The following ADGRL3 variants were observed in gnomAD, a reference collection of about 807,000 sequenced individuals.
ADGRL3 encodes the protein adhesion G protein-coupled receptor L3, also known as calcium-independent alpha-latrotoxin receptor 3.
A neutral mutation model predicts 153.5 loss-of-function variants in ADGRL3; 62 were observed. That is an observed-to-expected ratio of 0.40 (90% confidence interval 0.33 to 0.50). The LOEUF (loss-of-function observed/expected upper bound fraction) is 0.50. Ranked by LOEUF, ADGRL3 falls within the 20% of genes least tolerant of loss-of-function variation. The pLI, the probability that ADGRL3 is intolerant of heterozygous loss-of-function variation, is 0.47. For missense variants in ADGRL3, 1,641 were observed against 1,859.4 expected (o/e 0.88, Z 2.16); for synonymous variants, 710 against 672.5 (o/e 1.06, Z -0.86).
At chr4:61,694,432 G>A (rs1013797729) in intron 6 of ADGRL3, among the ~76,000 whole-genome samples, 7 of 151,902 alleles carry the variant, frequency 4.6e-5, no homozygotes, top group African/African-American at 1.7e-4. Flanking sequence ...TGCTTTCCCA[G>A]TGCATGTAAA....
intron 2 of ADGRL3, among the ~76,000 whole-genome samples, chr4:61,432,608 T>TTC (rs1301015703): frequency 2.8e-5 from 2 of 70,400 alleles, no homozygotes; most frequent in African/African-American, 1.1e-4. Context: ...CTTTCTTTCT[T>TTC]TCTTTCTTTC....
intron 4 of ADGRL3, among the ~76,000 whole-genome samples, chr4:61,564,661 GA>G (rs2098809482): frequency 6.6e-6 from 1 of 152,152 alleles, no homozygotes; most frequent in African/African-American, 2.4e-5. Flanking sequence ...CTTTGACATA[GA>G]AGGCCTAGCT....
At chr4:61,532,707 A>G (rs893604885) in intron 4 of ADGRL3, among the ~76,000 whole-genome samples, 3 of 151,820 alleles carry the variant, frequency 2.0e-5, no homozygotes, top group African/African-American at 7.2e-5. Context: ...CCTCAAATAC[A>G]GAGTAAAACC....
intron 6 of ADGRL3, among the ~76,000 whole-genome samples, chr4:61,718,036 A>T (rs2096159129): frequency 6.6e-6 from 1 of 152,096 alleles, no homozygotes; most frequent in South Asian, 2.1e-4. Flanking sequence ...CAAAATAAAT[A>T]AATAAAATAA....
At chr4:61,484,219 G>A (rs1030248945) in intron 2 of ADGRL3, among the ~76,000 whole-genome samples, 2 of 152,040 alleles carry the variant, frequency 1.3e-5, no homozygotes, top group African/African-American at 4.8e-5. Context: ...GGCTAAGTGA[G>A]ATGAATGGAA....
At chr4:61,314,941 A>G (rs141134395) in intron 1 of ADGRL3, among the ~76,000 whole-genome samples, 1 of 152,362 alleles carries the variant, frequency 6.6e-6, no homozygotes, top group African/African-American at 2.4e-5. Flanking sequence ...GATTATCTGT[A>G]TCATTCATTA....
At chr4:61,861,397 C>T (rs1370317815) in intron 9 of ADGRL3, among the ~76,000 whole-genome samples, 5 of 152,014 alleles carry the variant, frequency 3.3e-5, no homozygotes, top group Non-Finnish European at 5.9e-5. Flanking sequence ...TTCTGAAAGA[C>T]TGGGTTGGAG....
chr4:61,772,613 A>G (rs1300309533), intron 8 of ADGRL3, among the ~76,000 whole-genome samples: 1 of 152,160 alleles, frequency 6.6e-6, no homozygotes, highest in African/African-American at 2.4e-5. Flanking sequence ...AGGGCAAAGT[A>G]TGGGTTAAGT....
At chr4:61,268,247 C>G (rs897381180) in intron 1 of ADGRL3, among the ~76,000 whole-genome samples, 1 of 151,464 alleles carries the variant, frequency 6.6e-6, no homozygotes, top group Non-Finnish European at 1.5e-5. Flanking sequence ...AAAATTTTTT[C>G]CTATTTTTAA....
At chr4:61,528,464 C>A (rs954523014) in intron 4 of ADGRL3, among the ~76,000 whole-genome samples, 1 of 152,024 alleles carries the variant, frequency 6.6e-6, no homozygotes, top group African/African-American at 2.4e-5. Context: ...CAGAATTGAG[C>A]ATGCTGTGTA....
intron 17 of ADGRL3, among the ~76,000 whole-genome samples, chr4:61,968,498 G>A (rs1355426800): frequency 6.6e-6 from 1 of 152,042 alleles, no homozygotes; most frequent in Non-Finnish European, 1.5e-5. Flanking sequence ...TTTGCTCCAT[G>A]CTTTGAAAAT....
At chr4:61,958,377 G>GTTCTCTCTTTC (rs1553894040) in intron 17 of ADGRL3, among the ~76,000 whole-genome samples, 93 of 148,166 alleles carry the variant, frequency 6.3e-4, no homozygotes, top group African/African-American at 2.0e-3. Flanking sequence ...TGTTGTAAAG[G>GTTCTCTCTTTC]TTTCTTTCTT....
intron 4 of ADGRL3, among the ~76,000 whole-genome samples, chr4:61,577,001 C>T (rs544329589): frequency 3.3e-5 from 5 of 151,898 alleles, no homozygotes; most frequent in Admixed American, 6.6e-5. Context: ...GAAGGTATTA[C>T]CAAAGAAGTT....
At chr4:61,844,575 A>AAAAAAAAAAAAATATAT (rs1554045137) in intron 9 of ADGRL3, among the ~76,000 whole-genome samples, 1 of 18,108 alleles carries the variant, frequency 5.5e-5, no homozygotes, top group Non-Finnish European at 8.4e-5. Context: ...AAAAAAAAAA[A>AAAAAAAAAAAAATATAT]ATATATATAT....
At chr4:61,347,288 A>G (rs1349118847) in intron 1 of ADGRL3, among the ~76,000 whole-genome samples, 3 of 151,340 alleles carry the variant, frequency 2.0e-5, no homozygotes, top group South Asian at 2.1e-4. Flanking sequence ...CTGCTACTAG[A>G]TAGAGAGGTA....
At chr4:61,363,934 T>A (rs145109610) in intron 1 of ADGRL3, among the ~76,000 whole-genome samples, 2 of 152,148 alleles carry the variant, frequency 1.3e-5, no homozygotes, top group Admixed American at 1.3e-4. Flanking sequence ...TTTACTGTTA[T>A]GCATATATAT....
chr4:61,458,743 A>G (rs2097779639), intron 2 of ADGRL3, among the ~76,000 whole-genome samples: 1 of 151,570 alleles, frequency 6.6e-6, no homozygotes, highest in Non-Finnish European at 1.5e-5. Context: ...AAAATTATAT[A>G]GGAAATACAT....
intron 1 of ADGRL3, among the ~76,000 whole-genome samples, chr4:61,294,635 T>TCCC (rs2094341259): frequency 6.6e-6 from 1 of 152,140 alleles, no homozygotes; most frequent in Non-Finnish European, 1.5e-5. Context: ...ATAATCATGT[T>TCCC]CTGTCTTATA....
intron 6 of ADGRL3, among the ~76,000 whole-genome samples, chr4:61,709,056 G>A (rs144654519): frequency 5.3e-5 from 8 of 151,866 alleles, no homozygotes; most frequent in Non-Finnish European, 8.8e-5. Flanking sequence ...TGATCTGCCC[G>A]TCTCAGCCTC....
Sources: gnomAD v4.1 joint callset for allele counts (sites outside exome capture counted in the v4.1 genomes callset) on GRCh38, gnomAD v4.1.1 for gene constraint, MANE v1.5 for transcripts, NCBI Gene and HGNC (gene_info 2026-07-23, HGNC 2026-07-21) for gene names.